The following CRMP1 variants were observed in gnomAD, a reference collection of about 807,000 sequenced individuals.
CRMP1 encodes collapsin response mediator protein 1, also known as dihydropyrimidinase-related protein 1.
Under a neutral mutation model 68.3 loss-of-function variants are expected in CRMP1, and 19 were observed. The observed-to-expected ratio is 0.28, with a 90% CI of 0.19 to 0.41. CRMP1 has a LOEUF of 0.41. Ranked by LOEUF, CRMP1 falls within the 10% of genes least tolerant of loss-of-function variation. CRMP1 has a pLI of 1.00. For missense variants in CRMP1, 791 were observed against 967.4 expected (o/e 0.82, Z 2.42); for synonymous variants, 439 against 399.6 (o/e 1.10, Z -1.18).
chr4:5,832,184 A>C (rs1720426052), intron 11 of CRMP1, among the ~76,000 whole-genome samples: 1 of 152,200 alleles, frequency 6.6e-6, no homozygotes, highest in African/African-American at 2.4e-5. Flanking sequence ...AGAGAGAGGG[A>C]CTGATTGTTC....
rs28594624 is a variant in CRMP1 at position 5,858,184 on chromosome 4, C to A, written c.656-1877G>T. 6.6e-6 allele frequency among the ~76,000 whole-genome samples: 1 copy of A among 152,036 alleles called. No individual in the cohort carries two copies. The highest frequency in any genetic ancestry group is 2.4e-5 in the African/African-American group (1 of 41,386). Reference sequence around the variant, plus strand: ...CCTTCTGGCTTTTTCGTTCCTTTGTCCTACTTCTTTGGCTGCCGCTTCTCA... The same window carrying A: ...CCTTCTGGCTTTTTCGTTCCTTTGTACTACTTCTTTGGCTGCCGCTTCTCA... On this transcript the variant is annotated intron_variant, in intron 3 of 13. Coordinates refer to ENST00000324989, the MANE Select transcript of CRMP1 (RefSeq NM_001014809.3). This position sits in a 1 kb window ranked among gnomAD's most constrained non-coding sequence, Gnocchi z 5.5.
Position 5,888,314 on chromosome 4 carries a change from T to A in CRMP1, c.381+4275A>T, listed in dbSNP as rs1715751112. The A allele has an allele frequency of 1.1e-5, 14 of 1,247,106 alleles. No homozygotes were observed. The highest frequency in any genetic ancestry group is 1.3e-5 in the Non-Finnish European group (13 of 990,102). 77.3% of individuals were successfully genotyped at this position (1,247,106 alleles called of 1,614,324 possible). ...CCGGCCGCTGACCTGCGGGGCTGTCTGACTGGAACCGGCGCTCTCGGCCCC... is the reference window on the plus strand; with the variant it reads ...CCGGCCGCTGACCTGCGGGGCTGTCAGACTGGAACCGGCGCTCTCGGCCCC... On this transcript the variant is annotated intron_variant, in intron 1 of 13. Coordinates refer to ENST00000324989, the MANE Select transcript of CRMP1 (RefSeq NM_001014809.3). The surrounding 1 kb of genome is among the most constrained non-coding windows in gnomAD (Gnocchi z 6.4).
intron 12 of CRMP1, among the ~76,000 whole-genome samples, chr4:5,827,733 GCA>G (rs141887967): frequency 4.3e-4 from 59 of 138,068 alleles, no homozygotes; most frequent in East Asian, 3.7e-3. Flanking sequence ...ATGTGCGCGT[GCA>G]CACACACACA....
In CRMP1 at chr4:5,855,663, G is replaced by A. The variant is rs1356008377; in HGVS notation, c.820+480C>T. 6.6e-6 allele frequency among the ~76,000 whole-genome samples: 1 copy of A among 152,184 alleles called. No individual in the cohort carries two copies. The highest frequency in any genetic ancestry group is 1.9e-4 in the East Asian group (1 of 5,192). On this transcript the variant is annotated intron_variant, in intron 4 of 13. Transcript: ENST00000324989. The surrounding 1 kb of genome is among the most constrained non-coding windows in gnomAD (Gnocchi z 4.9). ...GAACAATGGAAAAAGTGCCCCAAAG[G>A]AGGCCTAAGTAACCGGCATTGGCTA...
chr4:5,878,327 C>T (rs564265657), intron 1 of CRMP1, among the ~76,000 whole-genome samples: 7 of 152,078 alleles, frequency 4.6e-5, no homozygotes, highest in Non-Finnish European at 8.8e-5. Flanking sequence ...AAAATAGGGA[C>T]AGGCAGTGAT....
intron 11 of CRMP1, among the ~76,000 whole-genome samples, chr4:5,829,972 C>G (rs759355459): frequency 8.5e-5 from 13 of 152,166 alleles, no homozygotes; most frequent in Non-Finnish European, 1.5e-4. Flanking sequence ...CCATTCCCAA[C>G]AAAACTCCGT....
At position 5,888,718 on chromosome 4, in the gene CRMP1, A is replaced by G. The variant is rs1715790751; in HGVS notation, c.381+3871T>C. On this transcript the variant is annotated intron_variant, in intron 1 of 13. Transcript: ENST00000324989. The surrounding 1 kb of genome is among the most constrained non-coding windows in gnomAD (Gnocchi z 6.4). ...GCCTCGCTCTCGCGATCCAGAGAGT[A>G]TGGTTTTCAGGGCTCCTTTAAAAGA... The G allele has an allele frequency of 1.3e-6, 1 of 756,194 alleles. No individual in the cohort carries two copies. Among genetic ancestry groups the G allele is most frequent in the Non-Finnish European group, 1.6e-6 (1 of 622,224 alleles). 46.8% of individuals were successfully genotyped at this position (756,194 alleles called of 1,614,324 possible). A position where few individuals can be genotyped will look rare whatever the true frequency, so the allele number is the denominator to read the frequency against.
chr4:5,868,277 A>ATC (rs1190335548), intron 1 of CRMP1, among the ~76,000 whole-genome samples: 30 of 78,582 alleles, frequency 3.8e-4, no homozygotes, highest in African/African-American at 2.0e-3. Flanking sequence ...ATATATATAT[A>ATC]TATATATATA....
chr4:5,835,998 G>A lies in CRMP1; in HGVS notation c.1540C>T (p.Arg514Trp), dbSNP rs377414609. ...KIFNLYPRKG[R>W]IAVGSDADVV... is the part of the protein sequence containing the mutation. Reference sequence around the variant, plus strand: ...TCGGCATCCGAGCCCACGGCAATCCGCCCTTTCCTTGGGTACAGGTTAAAG... The same window carrying A: ...TCGGCATCCGAGCCCACGGCAATCCACCCTTTCCTTGGGTACAGGTTAAAG... The change falls in exon 11 of 14, where the codon CGG (arginine) becomes TGG (tryptophan). Residue 514 changes from arginine to tryptophan, a missense_variant. Arg to Trp is a moderately radical substitution (Grantham distance 101, BLOSUM62 -3). Around this residue, in one of 3 missense-constraint regions of CRMP1, gnomAD observed 594 missense variants for 763.6 expected, o/e 0.78. Coordinates refer to ENST00000324989, the MANE Select transcript of CRMP1 (RefSeq NM_001014809.3). 2 of 1,606,554 alleles carry A rather than the reference G, an allele frequency of 1.2e-6. No individual in the cohort carries two copies. Among genetic ancestry groups the A allele is most frequent in the African/African-American group, 1.3e-5 (1 of 74,692 alleles).
chr4:5,821,734 A>G lies in CRMP1; in HGVS notation c.*26T>C. The G allele has an allele frequency of 6.3e-7, 1 of 1,577,230 alleles. No individual in the cohort carries two copies. The highest frequency in any genetic ancestry group is 8.6e-7 in the Non-Finnish European group (1 of 1,156,336). ...ATGGACATGATTCCCAGAATCCTTC[A>G]GGCTAGCTCCTCCGCGCATCCACGT... On this transcript the variant is annotated 3_prime_UTR_variant, in exon 14 of 14. Transcript: ENST00000324989. This position sits in a 1 kb window ranked among gnomAD's most constrained non-coding sequence, Gnocchi z 4.4.
At chr4:5,836,128 G>T in intron 10 of CRMP1, 43 bp from the exon 11 acceptor site, 1 of 1,395,226 alleles carries the variant, frequency 7.2e-7, no homozygotes, top group Non-Finnish European at 9.4e-7. Flanking sequence ...CTCATAATGG[G>T]GCCAGGAGGA....
Position 5,821,747 on chromosome 4 carries a change from C to G in CRMP1, c.*13G>C. The G allele has an allele frequency of 6.3e-7, 1 of 1,599,690 alleles. No homozygotes were observed. The highest frequency in any genetic ancestry group is 1.1e-5 in the South Asian group (1 of 88,816). On this transcript the variant is annotated 3_prime_UTR_variant, in exon 14 of 14. Transcript: ENST00000324989. The surrounding 1 kb of genome is among the most constrained non-coding windows in gnomAD (Gnocchi z 4.4). ...CCAGAATCCTTCAGGCTAGCTCCTC[C>G]GCGCATCCACGTTCAACCGAGGCTG...
chr4:5,891,164 C>CCA lies in CRMP1; in HGVS notation c.381+1423_381+1424dup, dbSNP rs1239944357. On this transcript the variant is annotated intron_variant, in intron 1 of 13. Transcript: ENST00000324989. The surrounding 1 kb of genome is among the most constrained non-coding windows in gnomAD (Gnocchi z 5.2). The stretch of plus-strand genomic sequence containing the variant: ...ATCTCCCTTTCTGATCACCCCACCA[C>CCA]CACACACACATACACACACACACAC... Among the ~76,000 whole-genome samples, 48 of 63,396 alleles carry CCA rather than the reference C, an allele frequency of 7.6e-4. No homozygotes were observed. The highest frequency in any genetic ancestry group is 2.1e-3 in the Admixed American group (12 of 5,732). The allele number at this position is 63,396 out of a possible 152,430, so 41.6% of individuals were successfully genotyped here.
At position 5,858,619 on chromosome 4, in the gene CRMP1, G is replaced by A. The variant is rs1031582996; in HGVS notation, c.656-2312C>T. On this transcript the variant is annotated intron_variant, in intron 3 of 13. Coordinates refer to ENST00000324989, the MANE Select transcript of CRMP1 (RefSeq NM_001014809.3). The surrounding 1 kb of genome is among the most constrained non-coding windows in gnomAD (Gnocchi z 5.5). ...CATCTCTCAGCTGAATTACGCAATCGCCTCCCAACTGGTCCAGACACATCC... is the reference window on the plus strand; with the variant it reads ...CATCTCTCAGCTGAATTACGCAATCACCTCCCAACTGGTCCAGACACATCC... 2.6e-5 allele frequency among the ~76,000 whole-genome samples: 4 copies of A among 152,036 alleles called. No individual in the cohort carries two copies. Among genetic ancestry groups the A allele is most frequent in the South Asian group, 2.1e-4 (1 of 4,816 alleles).
chr4:5,825,285 T>C lies in CRMP1; in HGVS notation c.1969+209A>G, dbSNP rs1018408787. 1.0e-6 allele frequency: 1 copy of C among 985,164 alleles called. No individual in the cohort carries two copies. The highest frequency in any genetic ancestry group is 1.2e-6 in the Non-Finnish European group (1 of 829,924). The allele number at this position is 985,164 out of a possible 1,614,324, so 61.0% of individuals were successfully genotyped here. ...AAACCCACATCAGGTACCACCATGT[T>C]GCCCCCCTAACATGGACCCCCCTCT... is the stretch of plus-strand genomic sequence containing the variant. On this transcript the variant is annotated intron_variant, in intron 13 of 13. Coordinates refer to ENST00000324989, the MANE Select transcript of CRMP1 (RefSeq NM_001014809.3). This position sits in a 1 kb window ranked among gnomAD's most constrained non-coding sequence, Gnocchi z 4.4.
intron 6 of CRMP1, among the ~76,000 whole-genome samples, chr4:5,848,663 A>G (rs1431799182): frequency 1.3e-5 from 2 of 152,364 alleles, no homozygotes; most frequent in Middle Eastern, 3.4e-3. Context: ...AGAATACCAT[A>G]GACTTGGTAA....
chr4:5,881,289 A>G lies in CRMP1; in HGVS notation c.381+11300T>C, dbSNP rs1715204352. 6.6e-6 allele frequency among the ~76,000 whole-genome samples: 1 copy of G among 152,216 alleles called. No homozygotes were observed. The highest frequency in any genetic ancestry group is 2.1e-4 in the South Asian group (1 of 4,834). Reference sequence around the variant, plus strand: ...TCCACTTCCCAAACTACCAACACCAATTCAGAGTTGTTTCTTCTCAGAGCA... The same window carrying G: ...TCCACTTCCCAAACTACCAACACCAGTTCAGAGTTGTTTCTTCTCAGAGCA... On this transcript the variant is annotated intron_variant, in intron 1 of 13. Transcript: ENST00000324989. This position sits in a 1 kb window ranked among gnomAD's most constrained non-coding sequence, Gnocchi z 4.6.
At chr4:5,885,171 C>G (rs1466259457) in intron 1 of CRMP1, among the ~76,000 whole-genome samples, 1 of 152,112 alleles carries the variant, frequency 6.6e-6, no homozygotes, top group Non-Finnish European at 1.5e-5. Flanking sequence ...ATGAGCAGAA[C>G]GATCAGCCTC....
At chr4:5,829,241 C>T (rs1392401076) in intron 11 of CRMP1, among the ~76,000 whole-genome samples, 1 of 152,014 alleles carries the variant, frequency 6.6e-6, no homozygotes, top group African/African-American at 2.4e-5. Flanking sequence ...AACACACATT[C>T]GGCCGGGCAC....
Sources: allele counts gnomAD v4.1 joint callset (sites outside exome capture counted in the v4.1 genomes callset), GRCh38; gene constraint gnomAD v4.1.1; regional missense constraint gnomAD v4.1.1; non-coding constraint Gnocchi (gnomAD v3.1); transcripts MANE v1.5; gene names NCBI Gene and HGNC (gene_info 2026-07-23, HGNC 2026-07-21).